ZMIZ1: variants seen among roughly 807,000 people sequenced by gnomAD.
ZMIZ1 encodes the protein zinc finger MIZ domain-containing protein 1.
Under a neutral mutation model 113.9 loss-of-function variants are expected in ZMIZ1, and 17 were observed. The ratio of observed to expected loss-of-function variants is 0.15; its 90% CI spans 0.10 to 0.22. The LOEUF is 0.22. Ranked by LOEUF, ZMIZ1 falls within the 10% of genes least tolerant of loss-of-function variation. The probability of loss-of-function intolerance (pLI) is 1.00; values close to 1 mark genes in which losing one functional copy is unlikely to be tolerated. For synonymous variants in ZMIZ1, 607 were observed against 603.1 expected, an observed-to-expected ratio of 1.01 and a Z score of -0.09; for missense variants, 1,059 against 1,477.8, an observed-to-expected ratio of 0.72 and a Z score of 4.65.
At chr10:79,094,969 AGAGAG>A (rs1370690966) in intron 1 of ZMIZ1, among the ~76,000 whole-genome samples, 2 of 121,736 alleles carry the variant, frequency 1.6e-5, no homozygotes, top group African/African-American at 5.2e-5. Context: ...AAAAAAAAAA[AGAGAG>A]AGAGAGAAAG....
chr10:79,221,188 T>G (rs1388204681), intron 7 of ZMIZ1, among the ~76,000 whole-genome samples: 1 of 152,150 alleles, frequency 6.6e-6, no homozygotes, highest in African/African-American at 2.4e-5. Flanking sequence ...TGAGTGAGCT[T>G]GGAGCGGGGC....
intron 5 of ZMIZ1, among the ~76,000 whole-genome samples, chr10:79,205,130 A>G (rs1012024741): frequency 2.0e-5 from 3 of 152,230 alleles, no homozygotes; most frequent in African/African-American, 4.8e-5. Flanking sequence ...ACTCAATGGC[A>G]TTGGATATAG....
At chr10:79,310,805 G>T (rs1337219455) in intron 23 of ZMIZ1, 119 bp from the exon 24 acceptor site, 8 of 1,146,726 alleles carry the variant, frequency 7.0e-6, no homozygotes, top group Admixed American at 2.5e-5. Flanking sequence ...CTCGTACCGG[G>T]TGGCCACGTT....
intron 3 of ZMIZ1, among the ~76,000 whole-genome samples, chr10:79,155,160 G>A (rs1365336627): frequency 6.6e-6 from 1 of 152,332 alleles, no homozygotes; most frequent in South Asian, 2.1e-4. Context: ...ATTCTATGCT[G>A]TGCCCTCATC....
In ZMIZ1 at chr10:79,112,000, A is replaced by AG. The variant is rs1323222989; in HGVS notation, c.-336-6913dup. Among the ~76,000 whole-genome samples the AG allele has an allele frequency of 5.9e-5, 9 of 152,348 alleles. No individual in the cohort carries two copies. In the South Asian group the frequency reaches 1.9e-3, roughly 32 times the overall value. On this transcript the variant is annotated intron_variant, in intron 1 of 24. Transcript: ENST00000334512. Reference sequence around the variant, plus strand: ...GGTTGGGCTAAAAAAGTAATGGCATAGGCAAAGGCCCTGGGGCATGAACAT... The same window carrying AG: ...GGTTGGGCTAAAAAAGTAATGGCATAGGGCAAAGGCCCTGGGGCATGAACAT...
chr10:79,167,578 C>G (rs1846408580), intron 4 of ZMIZ1, among the ~76,000 whole-genome samples: 1 of 152,176 alleles, frequency 6.6e-6, no homozygotes, highest in Non-Finnish European at 1.5e-5. Flanking sequence ...GCAACTGAAC[C>G]TGAAATGAAT....
chr10:79,102,793 A>G (rs1027620490), intron 1 of ZMIZ1, among the ~76,000 whole-genome samples: 1 of 152,306 alleles, frequency 6.6e-6, no homozygotes, highest in East Asian at 1.9e-4. Context: ...ATCATTCCCA[A>G]CCTGGCTGGC....
At chr10:79,209,849 C>T (rs896207863) in intron 6 of ZMIZ1, among the ~76,000 whole-genome samples, 2 of 152,246 alleles carry the variant, frequency 1.3e-5, no homozygotes, top group Non-Finnish European at 2.9e-5. Flanking sequence ...CCTGGGATTA[C>T]AGCCGAGGCC....
intron 7 of ZMIZ1, among the ~76,000 whole-genome samples, chr10:79,241,301 G>C (rs2132831812): frequency 1.3e-5 from 2 of 152,312 alleles, no homozygotes; most frequent in East Asian, 3.9e-4. Flanking sequence ...GATCTGCAGT[G>C]GGGAGATGGG....
intron 4 of ZMIZ1, among the ~76,000 whole-genome samples, chr10:79,201,084 G>A (rs1848059972): frequency 6.6e-6 from 1 of 152,140 alleles, no homozygotes; most frequent in Non-Finnish European, 1.5e-5. Context: ...GAGGTGGGCG[G>A]ATCACCTGAG....
At chr10:79,220,402 T>G (rs547086531) in intron 7 of ZMIZ1, among the ~76,000 whole-genome samples, 8 of 152,236 alleles carry the variant, frequency 5.3e-5, no homozygotes, top group African/African-American at 1.9e-4. Flanking sequence ...TGGGTGTGGG[T>G]GACCTGCAGT....
intron 1 of ZMIZ1, among the ~76,000 whole-genome samples, chr10:79,071,637 G>GC (rs1238837808): frequency 6.6e-6 from 1 of 152,128 alleles, no homozygotes; most frequent in Non-Finnish European, 1.5e-5. Context: ...CTGGCTCCTG[G>GC]CCCCAGTGCA....
intron 1 of ZMIZ1, among the ~76,000 whole-genome samples, chr10:79,105,002 G>T (rs1407068557): frequency 1.4e-5 from 2 of 146,264 alleles, no homozygotes; most frequent in African/African-American, 5.1e-5. Flanking sequence ...TGTCTTAACT[G>T]CCATGGGTTT....
At chr10:79,168,275 CG>C (rs1846445056) in intron 4 of ZMIZ1, among the ~76,000 whole-genome samples, 1 of 152,326 alleles carries the variant, frequency 6.6e-6, no homozygotes, top group Admixed American at 6.5e-5. Context: ...GGAGCTCCCC[CG>C]GGGGCCTACC....
At chr10:79,233,395 C>T (rs984938421) in intron 7 of ZMIZ1, among the ~76,000 whole-genome samples, 2 of 152,234 alleles carry the variant, frequency 1.3e-5, no homozygotes, top group African/African-American at 4.8e-5. Flanking sequence ...ATTTGATGTC[C>T]AGTGAGGGCA....
chr10:79,311,148 G>T lies in ZMIZ1; in HGVS notation c.3060G>T (p.Ala1020=), dbSNP rs367798963. Residue 1020 remains alanine (A), a synonymous_variant, in exon 24 of 25, where the codon GCG becomes GCT. Transcript: ENST00000334512. ...CAGCCTTAGAGGGTCAGGCCGGAGC[G>T]CAGGGAGCGTCCGACATGCCGGAGC... ...PSSALEGQAG[A]QGASDMPEPS... 2 of 1,613,428 alleles carry T rather than the reference G, an allele frequency of 1.2e-6. No individual in the cohort carries two copies. The highest frequency in any genetic ancestry group is 2.2e-5 in the East Asian group (1 of 44,858).
intron 18 of ZMIZ1, among the ~76,000 whole-genome samples, 178 bp from the exon 19 acceptor site, chr10:79,303,837 C>A (rs1359282438): frequency 6.6e-6 from 1 of 152,242 alleles, no homozygotes; most frequent in African/African-American, 2.4e-5. Context: ...GCAGCCCGGG[C>A]ACCCGGCCCT....
At chr10:79,178,872 G>T (rs1210485385) in intron 4 of ZMIZ1, among the ~76,000 whole-genome samples, 2 of 152,172 alleles carry the variant, frequency 1.3e-5, no homozygotes, top group Non-Finnish European at 2.9e-5. Flanking sequence ...GGCAACCATG[G>T]GCCGTGGATC....
At chr10:79,192,506 T>A (rs1291947966) in intron 4 of ZMIZ1, among the ~76,000 whole-genome samples, 1 of 152,140 alleles carries the variant, frequency 6.6e-6, no homozygotes, top group Non-Finnish European at 1.5e-5. Context: ...TCCGGAAGCT[T>A]TGAGTGCCAA....
Sources: allele counts gnomAD v4.1 joint callset (sites outside exome capture counted in the v4.1 genomes callset), GRCh38; gene constraint gnomAD v4.1.1; transcripts MANE v1.5; gene names NCBI Gene and HGNC (gene_info 2026-07-23, HGNC 2026-07-21).